GNAL: variants seen among roughly 807,000 people sequenced by gnomAD.
GNAL encodes the protein G protein subunit alpha L.
GNAL carries 18 observed loss-of-function variants against 55.1 expected under a neutral mutation model. That is an observed-to-expected ratio of 0.33 (90% CI 0.23 to 0.48). The LOEUF is 0.48. GNAL is among the 20% of genes least tolerant of loss of function. The pLI is 0.99. For synonymous variants in GNAL, 253 were observed against 237.0 expected, an observed-to-expected ratio of 1.07 and a Z score of -0.62; for missense variants, 412 against 614.1, an observed-to-expected ratio of 0.67 and a Z score of 3.48.
chr18:11,743,778 A>G (rs894568058), intron 1 of GNAL, among the ~76,000 whole-genome samples: 12 of 152,192 alleles, frequency 7.9e-5, no homozygotes, highest in African/African-American at 2.9e-4. Flanking sequence ...GCTGATTTTC[A>G]CTGTTCAAAT....
intron 4 of GNAL, among the ~76,000 whole-genome samples, chr18:11,791,872 T>C (rs2034247878): frequency 6.6e-6 from 1 of 151,984 alleles, no homozygotes; most frequent in South Asian, 2.1e-4. Context: ...ACCACATCCA[T>C]AGTGCAGCAC....
rs888839986 is a variant in GNAL at position 11,851,458 on chromosome 18, C to T, written c.723-10937C>T. 23 of 1,475,966 alleles carry T rather than the reference C, an allele frequency of 1.6e-5. No individual in the cohort carries two copies. The East Asian group carries it at 5.4e-4, about 35-fold the overall frequency. The allele number at this position is 1,475,966 out of a possible 1,614,324, so 91.4% of individuals were successfully genotyped here. A position where few individuals can be genotyped will look rare whatever the true frequency, so the allele number is the denominator to read the frequency against. ...CGGGAGCGGACTTACCTTACCTTCT[C>T]TGCCTTCGGCGCGCTTCTCAGCCGG... On this transcript the variant is annotated intron_variant, in intron 5 of 11. Coordinates refer to ENST00000334049, the MANE Select transcript of GNAL (RefSeq NM_182978.4).
rs188672199 is a variant in GNAL, at chr18:11,725,158, A to C, written c.377-27695A>C. 8.5e-5 allele frequency among the ~76,000 whole-genome samples: 13 copies of C among 152,332 alleles called. No homozygotes were observed. In the East Asian group the frequency reaches 2.5e-3, roughly 29 times the overall value. ...TAGGGGCTGCCTCCCACAAAATCATATATTGAAGTCCTAACCCGCAGCCTC... is the reference window on the plus strand; with the variant it reads ...TAGGGGCTGCCTCCCACAAAATCATCTATTGAAGTCCTAACCCGCAGCCTC... On this transcript the variant is annotated intron_variant, in intron 1 of 11. Transcript: ENST00000334049.
chr18:11,733,643 G>A (rs2032392920), intron 1 of GNAL, among the ~76,000 whole-genome samples: 1 of 152,184 alleles, frequency 6.6e-6, no homozygotes, highest in Non-Finnish European at 1.5e-5. Context: ...AATTCTCTAA[G>A]TGAAATAACT....
At chr18:11,766,140 A>C (rs2143224419) in intron 4 of GNAL, among the ~76,000 whole-genome samples, 1 of 152,358 alleles carries the variant, frequency 6.6e-6, no homozygotes, top group East Asian at 1.9e-4. Flanking sequence ...TTGTGAGAAA[A>C]GCACACTAGG....
intron 4 of GNAL, among the ~76,000 whole-genome samples, chr18:11,813,547 G>A (rs1001584365): frequency 1.3e-5 from 2 of 152,228 alleles, no homozygotes; most frequent in East Asian, 1.9e-4. Context: ...TAGAATAGCC[G>A]AAACAATGTT....
chr18:11,786,471 T>C (rs71363133), intron 4 of GNAL, among the ~76,000 whole-genome samples: 3 of 106,654 alleles, frequency 2.8e-5, no homozygotes, highest in African/African-American at 3.7e-5. Flanking sequence ...TTTTTTGAGA[T>C]GGAGTCTTGC....
At chr18:11,819,852 G>A (rs866635613) in intron 4 of GNAL, among the ~76,000 whole-genome samples, 1 of 144,840 alleles carries the variant, frequency 6.9e-6, no homozygotes, top group Middle Eastern at 3.5e-3. Context: ...AAAAACTAGA[G>A]CCTGTGAATT....
chr18:11,814,941 G>A lies in GNAL; in HGVS notation c.625-9977G>A, dbSNP rs189389996. Among the ~76,000 whole-genome samples the A allele has an allele frequency of 3.2e-3, 490 of 151,722 alleles. 1 individual carries two copies. The highest frequency in any genetic ancestry group is 0.01 in the Middle Eastern group (3 of 294). The stretch of plus-strand genomic sequence containing the variant: ...GTTGATTTCATAGAAGTAGAGAGTA[G>A]AAGTGGTTACCAGAGGTTGGAGAGG... On this transcript the variant is annotated intron_variant, in intron 4 of 11. Transcript: ENST00000334049.
At chr18:11,798,997 C>T (rs2058454726) in intron 4 of GNAL, among the ~76,000 whole-genome samples, 2 of 151,754 alleles carry the variant, frequency 1.3e-5, no homozygotes, top group Non-Finnish European at 2.9e-5. Context: ...CCTGTAATCC[C>T]AGCAACTTGG....
At chr18:11,824,128 A>G (rs145346315) in intron 4 of GNAL, among the ~76,000 whole-genome samples, 7 of 152,176 alleles carry the variant, frequency 4.6e-5, no homozygotes, top group African/African-American at 1.7e-4. Flanking sequence ...TATGTACCTA[A>G]TATGTCTGGG....
intron 4 of GNAL, among the ~76,000 whole-genome samples, chr18:11,782,474 A>T (rs942692298): frequency 1.3e-5 from 2 of 152,224 alleles, no homozygotes; most frequent in Admixed American, 6.5e-5. Flanking sequence ...ATAACTAAGT[A>T]CTATATTGTT....
chr18:11,866,933 G>T (rs994911550), intron 7 of GNAL, among the ~76,000 whole-genome samples: 1 of 152,104 alleles, frequency 6.6e-6, no homozygotes, highest in African/African-American at 2.4e-5. Context: ...TGCTTGATCT[G>T]TCACCCCTGT....
intron 8 of GNAL, among the ~76,000 whole-genome samples, chr18:11,867,814 C>CA (rs199731603): frequency 0.013 from 1,943 of 146,560 alleles, 15 homozygotes; most frequent in Non-Finnish European, 0.017. Flanking sequence ...GAGACTCTGT[C>CA]AAAAAAAAAT....
chr18:11,885,565 TTG>T lies in GNAL; in HGVS notation c.*4437_*4438del, dbSNP rs2037089740. On this transcript the variant is annotated 3_prime_UTR_variant, in exon 12 of 12. Coordinates refer to ENST00000334049, the MANE Select transcript of GNAL (RefSeq NM_182978.4). ...GAGCTACGTGTAGAAGGAGAGAAATTTGTGTGTGGCTTTTGTAAATTTTGACC... is the reference window on the plus strand; with the variant it reads ...GAGCTACGTGTAGAAGGAGAGAAATTTGTGTGGCTTTTGTAAATTTTGACC... 4 of 1,339,154 alleles carry T rather than the reference TTG, an allele frequency of 3.0e-6. No homozygotes were observed. The East Asian group carries it at 9.7e-5, about 33-fold the overall frequency. The allele number at this position is 1,339,154 out of a possible 1,614,324, so 83.0% of individuals were successfully genotyped here. A position where few individuals can be genotyped will look rare whatever the true frequency, so the allele number is the denominator to read the frequency against.
chr18:11,775,255 G>A (rs1277487610), intron 4 of GNAL, among the ~76,000 whole-genome samples: 18 of 152,218 alleles, frequency 1.2e-4, no homozygotes, highest in Admixed American at 1.2e-3. Context: ...CTTTGTTTGA[G>A]GGCCAGGGGT....
Position 11,751,939 on chromosome 18 carries a change from C to A in GNAL, c.377-914C>A, listed in dbSNP as rs1438421521. 1.3e-5 allele frequency among the ~76,000 whole-genome samples: 2 copies of A among 152,210 alleles called. No homozygotes were observed. Among genetic ancestry groups the A allele is most frequent in the African/African-American group, 4.8e-5 (2 of 41,468 alleles). ...GTGCCCATCGTCGCCCTCTGGGACC[C>A]CGGTGGCGCGCTCTGTCCTCCGCGC... On this transcript the variant is annotated intron_variant, in intron 1 of 11. Transcript: ENST00000334049. This position sits in a 1 kb window ranked among gnomAD's most constrained non-coding sequence, Gnocchi z 4.5.
chr18:11,837,286 T>C (rs2143712882), intron 5 of GNAL, among the ~76,000 whole-genome samples: 1 of 152,290 alleles, frequency 6.6e-6, no homozygotes, highest in African/African-American at 2.4e-5. Context: ...CCAGGATAGC[T>C]TTTGATGTAC....
chr18:11,732,909 G>A (rs181784106), intron 1 of GNAL, among the ~76,000 whole-genome samples: 11 of 152,312 alleles, frequency 7.2e-5, no homozygotes, highest in South Asian at 2.1e-4. Flanking sequence ...ATAGAAAGGC[G>A]GGAACACAGG....
Sources: allele counts gnomAD v4.1 joint callset (sites outside exome capture counted in the v4.1 genomes callset), GRCh38; gene constraint gnomAD v4.1.1; non-coding constraint Gnocchi (gnomAD v3.1); transcripts MANE v1.5; gene names NCBI Gene and HGNC (gene_info 2026-07-23, HGNC 2026-07-21).